TOP3A: variants seen among roughly 807,000 people sequenced by gnomAD.
TOP3A encodes DNA topoisomerase 3-alpha.
In TOP3A, 64 loss-of-function variants were observed where a neutral mutation model predicts 111.3. The ratio of observed to expected loss-of-function variants is 0.57; its 90% CI spans 0.47 to 0.71. The LOEUF is 0.71. Among genes scored for constraint, TOP3A ranks in the 30% least tolerant of loss-of-function variants. The pLI is 0.00. For synonymous variants in TOP3A, 484 were observed against 485.1 expected (o/e 1.00, Z 0.03); for missense variants, 1,104 against 1,285.0 (o/e 0.86, Z 2.15).
intron 13 of TOP3A, among the ~76,000 whole-genome samples, chr17:18,288,295 G>C (rs1980251338): frequency 6.6e-6 from 1 of 151,188 alleles, no homozygotes; most frequent in Admixed American, 6.6e-5. Context: ...TGGGATTACA[G>C]GCGTCAGCCA....
chr17:18,286,096 A>G (rs1207692831), intron 13 of TOP3A, among the ~76,000 whole-genome samples: 2 of 151,836 alleles, frequency 1.3e-5, no homozygotes, highest in Non-Finnish European at 2.9e-5. Context: ...GCTGCTCAGG[A>G]GGCTGAGGCA....
At chr17:18,276,562 AACCCTATGAATGTAGGCAGGG>A (rs1226763603) in intron 18 of TOP3A, among the ~76,000 whole-genome samples, 3 of 152,228 alleles carry the variant, frequency 2.0e-5, no homozygotes, top group African/African-American at 7.2e-5. Context: ...CTAAAACAGG[AACCCTATGAATGTAGGCAGGG>A]ACCATCTTGT....
chr17:18,303,545 G>A (rs1981370584), intron 5 of TOP3A, among the ~76,000 whole-genome samples: 1 of 152,136 alleles, frequency 6.6e-6, no homozygotes, highest in Non-Finnish European at 1.5e-5. Flanking sequence ...GGCTGGAGGC[G>A]AGACATCACG....
Position 18,273,557 on chromosome 17 carries a change from C to A in TOP3A, c.*1245G>T, listed in dbSNP as rs944178412. On this transcript the variant is annotated 3_prime_UTR_variant, in exon 19 of 19. Coordinates refer to ENST00000321105, the MANE Select transcript of TOP3A (RefSeq NM_004618.5). ...GAGCTCCTTCCAGCACTGGCTGGTA[C>A]CTGTTGCTTCTGCAAATGTTCCCCA... Among the ~76,000 whole-genome samples, 1 of 152,168 alleles carries A rather than the reference C, an allele frequency of 6.6e-6. No individual in the cohort carries two copies. Among genetic ancestry groups the A allele is most frequent in the African/African-American group, 2.4e-5 (1 of 41,446 alleles).
chr17:18,303,882 GTC>G (rs1981393602), intron 5 of TOP3A, among the ~76,000 whole-genome samples: 2 of 152,136 alleles, frequency 1.3e-5, no homozygotes, highest in Admixed American at 6.5e-5. Context: ...TCTTTTCTCA[GTC>G]TCTCGTCTCC....
At chr17:18,297,224 G>A (rs1166059549) in intron 9 of TOP3A, among the ~76,000 whole-genome samples, 2 of 152,174 alleles carry the variant, frequency 1.3e-5, no homozygotes, top group Non-Finnish European at 2.9e-5. Context: ...TCAGAAGTTC[G>A]AGACCAGCCT....
chr17:18,306,886 C>T lies in TOP3A; in HGVS notation c.390+5G>A, dbSNP rs925082374. On this transcript the variant is annotated splice_donor_5th_base_variant and intron_variant, in intron 4 of 18. Transcript: ENST00000321105. ...CAGTGCCATATGTCTTCCAAAAGAC[C>T]CTACCTTGATGTCTACAAAATTCTC... is the stretch of plus-strand genomic sequence containing the variant. 1.2e-5 allele frequency: 20 copies of T among 1,603,194 alleles called. No homozygotes were observed. The highest frequency in any genetic ancestry group is 1.7e-5 in the Non-Finnish European group (20 of 1,170,498).
At chr17:18,287,759 C>A (rs187018588) in intron 13 of TOP3A, among the ~76,000 whole-genome samples, 1 of 151,970 alleles carries the variant, frequency 6.6e-6, no homozygotes, top group Non-Finnish European at 1.5e-5. Flanking sequence ...CTTTGGGAGG[C>A]CTAGGTGGGC....
intron 13 of TOP3A, among the ~76,000 whole-genome samples, chr17:18,285,975 A>G (rs980144484): frequency 3.9e-5 from 6 of 152,158 alleles, no homozygotes; most frequent in Admixed American, 3.9e-4. Context: ...CAAGGTGGGC[A>G]GATCATCTGA....
At chr17:18,307,909 CAA>C (rs146925164) in intron 3 of TOP3A, among the ~76,000 whole-genome samples, 3,517 of 68,382 alleles carry the variant, frequency 0.051, 131 homozygotes, top group African/African-American at 0.16. Flanking sequence ...GACCCTGACT[CAA>C]AAAAAAAAAA....
intron 5 of TOP3A, among the ~76,000 whole-genome samples, chr17:18,304,336 G>A (rs1981426151): frequency 6.6e-6 from 1 of 152,174 alleles, no homozygotes; most frequent in East Asian, 1.9e-4. Context: ...CAATTAAAGG[G>A]TTCTGTAGGG....
chr17:18,282,774 G>C lies in TOP3A; in HGVS notation c.1945C>G (p.Pro649Ala), dbSNP rs566688449. 6.2e-7 allele frequency: 1 copy of C among 1,614,194 alleles called. No homozygotes were observed. The highest frequency in any genetic ancestry group is 1.1e-5 in the South Asian group (1 of 91,078). The change falls in exon 16 of 19, where the codon CCA becomes GCA. Residue 649 changes from proline (P) to alanine (A), a missense_variant. Pro to Ala is a conservative substitution (Grantham distance 27, BLOSUM62 -1). Transcript: ENST00000321105. The stretch of plus-strand genomic sequence containing the variant: ...TTCCTGATGGGCTCTGGCATGGCTG[G>C]GTAGATATCTTCTTGCTGGGCCAAC... The part of the protein sequence containing the change: ...TELAQQEDIY[P>A]AMPEPIRKCP...
intron 5 of TOP3A, 28 bp downstream of exon 5, chr17:18,305,084 G>C: frequency 6.3e-7 from 1 of 1,585,730 alleles, no homozygotes; most frequent in Non-Finnish European, 8.7e-7. Context: ...CCAAAGTAGA[G>C]AAAGTCAGCA....
chr17:18,300,902 T>C (rs1301987172), intron 8 of TOP3A, among the ~76,000 whole-genome samples: 1 of 152,230 alleles, frequency 6.6e-6, no homozygotes, highest in Non-Finnish European at 1.5e-5. Flanking sequence ...ACTAGGACTC[T>C]GCCATGTACA....
intron 9 of TOP3A, among the ~76,000 whole-genome samples, chr17:18,297,245 G>C (rs1249761208): frequency 6.6e-6 from 1 of 152,148 alleles, no homozygotes; most frequent in Non-Finnish European, 1.5e-5. Context: ...GACCAACATG[G>C]AGAAACCCTG....
At chr17:18,286,160 G>A (rs1457656859) in intron 13 of TOP3A, among the ~76,000 whole-genome samples, 1 of 147,888 alleles carries the variant, frequency 6.8e-6, no homozygotes, top group Non-Finnish European at 1.5e-5. Context: ...AGATGGCACC[G>A]TTGCACTCCA....
Position 18,302,163 on chromosome 17 carries a change from A to G in TOP3A, c.814+101T>C, listed in dbSNP as rs187640229. On this transcript the variant is annotated intron_variant, in intron 7 of 18. Coordinates refer to ENST00000321105, the MANE Select transcript of TOP3A (RefSeq NM_004618.5). ...GGCCAGGGAGGATGACAGCAAGACTAAAATAAATCACATCTTTATTAGTGC... is the reference window on the plus strand; with the variant it reads ...GGCCAGGGAGGATGACAGCAAGACTGAAATAAATCACATCTTTATTAGTGC... 2.7e-6 allele frequency: 4 copies of G among 1,457,216 alleles called. No homozygotes were observed. In the East Asian group the frequency reaches 9.2e-5, roughly 33 times the overall value. 90.3% of individuals were successfully genotyped at this position (1,457,216 alleles called of 1,614,324 possible).
chr17:18,291,500 A>G (rs1047739457), intron 11 of TOP3A, among the ~76,000 whole-genome samples: 1 of 152,216 alleles, frequency 6.6e-6, no homozygotes, highest in Admixed American at 6.5e-5. Flanking sequence ...CACATATCCA[A>G]TAATTCCCCT....
Position 18,271,614 on chromosome 17 carries a change from G to A in TOP3A, c.*3188C>T, listed in dbSNP as rs1325338081. On this transcript the variant is annotated 3_prime_UTR_variant, in exon 19 of 19. Transcript: ENST00000321105. ...AGCCTGGGTCTGTCTGATCTCAGAT[G>A]CCTGGCCCAGTCCATGGTGCAGCCC... The A allele has an allele frequency of 7.2e-6, 2 of 279,148 alleles. No homozygotes were observed. The highest frequency in any genetic ancestry group is 1.4e-5 in the Non-Finnish European group (2 of 140,490). 17.3% of individuals were successfully genotyped at this position (279,148 alleles called of 1,614,324 possible).
Sources: allele counts gnomAD v4.1 joint callset (sites outside exome capture counted in the v4.1 genomes callset), GRCh38; gene constraint gnomAD v4.1.1; transcripts MANE v1.5; gene names NCBI Gene and HGNC (gene_info 2026-07-23, HGNC 2026-07-21).